The following CSMD1 variants were observed in gnomAD, a reference collection of about 807,000 sequenced individuals.
The protein encoded by CSMD1 is CUB and Sushi multiple domains 1.
A neutral mutation model predicts 417.5 loss-of-function variants in CSMD1; 213 were observed. The observed-to-expected ratio is 0.51, with a 90% CI of 0.46 to 0.57. The LOEUF is 0.57. Ranked by LOEUF, CSMD1 falls within the 20% of genes least tolerant of loss-of-function variation. CSMD1 has a pLI of 0.00. For synonymous variants in CSMD1, 2,862 were observed against 1,736.8 expected (o/e 1.65, Z -16.11); for missense variants, 6,923 against 4,529.7 (o/e 1.53, Z -15.17).
At chr8:4,803,392 G>A (rs184061091) in intron 1 of CSMD1, among the ~76,000 whole-genome samples, 2 of 152,284 alleles carry the variant, frequency 1.3e-5, no homozygotes, top group African/African-American at 4.8e-5. Context: ...ACTCAACATA[G>A]TTATTAGATA....
At chr8:3,225,922 A>G (rs985202362) in intron 27 of CSMD1, among the ~76,000 whole-genome samples, 1 of 152,250 alleles carries the variant, frequency 6.6e-6, no homozygotes, top group Non-Finnish European at 1.5e-5. Context: ...CAGAAGGAAT[A>G]GACAAAGAGA....
At chr8:3,694,610 G>T (rs910196803) in intron 7 of CSMD1, among the ~76,000 whole-genome samples, 4 of 152,014 alleles carry the variant, frequency 2.6e-5, no homozygotes, top group African/African-American at 7.3e-5. Flanking sequence ...AGAAAAGGAA[G>T]GACCCAGCCC....
intron 5 of CSMD1, among the ~76,000 whole-genome samples, chr8:3,756,833 T>C (rs931764523): frequency 2.6e-5 from 4 of 152,214 alleles, no homozygotes; most frequent in African/African-American, 9.6e-5. Flanking sequence ...TCTTGCTCTT[T>C]CACGCAGGCT....
chr8:4,212,413 G>A (rs1800368803), intron 3 of CSMD1, among the ~76,000 whole-genome samples: 1 of 152,016 alleles, frequency 6.6e-6, no homozygotes, highest in Admixed American at 6.6e-5. Flanking sequence ...TTCATGTTTT[G>A]ACATTAACGT....
chr8:3,188,992 G>A lies in CSMD1; in HGVS notation c.5418C>T (p.Phe1806=). Residue 1806 remains phenylalanine, a synonymous_variant, in exon 35 of 70, where the codon TTC becomes TTT. Transcript: ENST00000635120. The part of the protein sequence containing the change: ...PSCVVPCSGN[F]TQRRGTILSP... ...ACAGGATTGTACCTCTTCGTTGAGT[G>A]AAATTGCCACTGCAGGGTACTAAAA... 1.9e-6 allele frequency: 3 copies of A among 1,613,336 alleles called. No homozygotes were observed. The highest frequency in any genetic ancestry group is 2.5e-6 in the Non-Finnish European group (3 of 1,179,570).
intron 2 of CSMD1, among the ~76,000 whole-genome samples, chr8:4,465,962 T>G (rs1411569094): frequency 2.0e-5 from 3 of 152,152 alleles, no homozygotes; most frequent in Non-Finnish European, 4.4e-5. Context: ...CAATACCTTG[T>G]GGGAGAGACA....
At chr8:4,054,957 G>C (rs759252861) in intron 3 of CSMD1, among the ~76,000 whole-genome samples, 19 of 152,244 alleles carry the variant, frequency 1.2e-4, no homozygotes, top group Non-Finnish European at 1.3e-4. Flanking sequence ...GACATCAAAA[G>C]TTTTCACTTA....
intron 2 of CSMD1, among the ~76,000 whole-genome samples, chr8:4,513,165 T>C (rs372330548): frequency 1.3e-5 from 2 of 152,144 alleles, no homozygotes; most frequent in Non-Finnish European, 2.9e-5. Flanking sequence ...AATCGAAATA[T>C]GTCAAAGTAG....
At chr8:3,031,752 C>G (rs986983561) in intron 50 of CSMD1, among the ~76,000 whole-genome samples, 2 of 151,872 alleles carry the variant, frequency 1.3e-5, no homozygotes, top group African/African-American at 4.8e-5. Flanking sequence ...GAGCTGATAC[C>G]ATCTACAGTA....
intron 1 of CSMD1, among the ~76,000 whole-genome samples, chr8:4,841,674 G>A (rs1045715868): frequency 1.3e-5 from 2 of 152,038 alleles, no homozygotes; most frequent in Non-Finnish European, 1.5e-5. Flanking sequence ...CGTTTGGGAG[G>A]CTGAGGCAGG....
At chr8:4,542,731 G>A (rs1294883124) in intron 2 of CSMD1, among the ~76,000 whole-genome samples, 3 of 151,878 alleles carry the variant, frequency 2.0e-5, no homozygotes, top group Non-Finnish European at 4.4e-5. Flanking sequence ...TTCAATGGAT[G>A]GTCATGAAAA....
chr8:4,028,624 A>G (rs968729909), intron 4 of CSMD1, among the ~76,000 whole-genome samples: 13 of 152,360 alleles, frequency 8.5e-5, no homozygotes, highest in African/African-American at 2.9e-4. Flanking sequence ...TGGCATGCTT[A>G]CAATCCTAGA....
At chr8:3,400,712 A>T (rs1811987269) in intron 15 of CSMD1, among the ~76,000 whole-genome samples, 1 of 151,922 alleles carries the variant, frequency 6.6e-6, no homozygotes. Flanking sequence ...GTAATAAAAG[A>T]AAAATTTTAT....
intron 7 of CSMD1, among the ~76,000 whole-genome samples, chr8:3,669,396 G>C (rs1798869782): frequency 6.6e-6 from 1 of 152,132 alleles, no homozygotes. Context: ...TCTTGGGCTG[G>C]CCAGTCTAGG....
At chr8:3,177,083 A>C (rs973412616) in intron 37 of CSMD1, among the ~76,000 whole-genome samples, 3 of 152,054 alleles carry the variant, frequency 2.0e-5, no homozygotes, top group Non-Finnish European at 4.4e-5. Flanking sequence ...CAGCTTGGTG[A>C]CCTCATTTCT....
intron 34 of CSMD1, among the ~76,000 whole-genome samples, chr8:3,189,391 G>T (rs1796279004): frequency 6.6e-6 from 1 of 152,078 alleles, no homozygotes; most frequent in Non-Finnish European, 1.5e-5. Context: ...GATATTAATG[G>T]GATTTATGAG....
intron 1 of CSMD1, among the ~76,000 whole-genome samples, chr8:4,703,647 G>T (rs1224525072): frequency 2.0e-5 from 3 of 152,122 alleles, no homozygotes; most frequent in African/African-American, 7.2e-5. Flanking sequence ...AATATTTCAA[G>T]AAAAGTAATC....
At position 4,516,696 on chromosome 8, in the gene CSMD1, A is replaced by G. The variant is rs193091566; in HGVS notation, c.303-96631T>C. The stretch of plus-strand genomic sequence containing the variant: ...CCATGATCAGCCCCAGATTCCTCCA[A>G]CCCCTACACACTGCCTGGGGTCTTT... On this transcript the variant is annotated intron_variant, in intron 2 of 69. Coordinates refer to ENST00000635120, the MANE Select transcript of CSMD1 (RefSeq NM_033225.6). Among the ~76,000 whole-genome samples the G allele has an allele frequency of 5.4e-4, 82 of 151,870 alleles. 1 individual carries two copies. The highest frequency in any genetic ancestry group is 1.9e-3 in the African/African-American group (77 of 41,368).
chr8:4,170,795 G>C (rs980176430), intron 3 of CSMD1, among the ~76,000 whole-genome samples: 3 of 151,604 alleles, frequency 2.0e-5, no homozygotes, highest in Non-Finnish European at 2.9e-5. Context: ...GTTCTGTTTG[G>C]GGATTACCTA....
Sources: allele counts gnomAD v4.1 joint callset (sites outside exome capture counted in the v4.1 genomes callset), GRCh38; gene constraint gnomAD v4.1.1; transcripts MANE v1.5; gene names NCBI Gene and HGNC (gene_info 2026-07-23, HGNC 2026-07-21).